Variants in MDGA2 observed in about 807,000 individuals in gnomAD.
MDGA2 encodes MAM domain-containing glycosylphosphatidylinositol anchor protein 2.
A neutral mutation model predicts 117.8 loss-of-function variants in MDGA2; 40 were observed. The ratio of observed to expected loss-of-function variants is 0.34; its 90% confidence interval spans 0.26 to 0.44. MDGA2 has a LOEUF of 0.44. Among genes scored for constraint, MDGA2 ranks in the 20% least tolerant of loss-of-function variants. MDGA2 has a pLI of 1.00. For synonymous variants in MDGA2, 452 were observed against 439.0 expected (o/e 1.03, Z -0.37); for missense variants, 1,123 against 1,250.6 (o/e 0.90, Z 1.54).
chr14:47,298,683 CTTTTTTTT>C (rs66784813), intron 2 of MDGA2, among the ~76,000 whole-genome samples: 1 of 126,118 alleles, frequency 7.9e-6, no homozygotes, highest in East Asian at 2.2e-4. Flanking sequence ...CTTAATTTTT[CTTTTTTTT>C]TTTTTTTTTT....
intron 3 of MDGA2, among the ~76,000 whole-genome samples, chr14:47,150,681 T>G (rs1024864622): frequency 1.3e-5 from 2 of 152,076 alleles, no homozygotes; most frequent in African/African-American, 2.4e-5. Context: ...CCTAGCACTT[T>G]GGAAGGCCAA....
chr14:47,019,167 T>C (rs767341850), intron 8 of MDGA2, among the ~76,000 whole-genome samples: 1 of 152,086 alleles, frequency 6.6e-6, no homozygotes, highest in Non-Finnish European at 1.5e-5. Flanking sequence ...ATATGAAAAA[T>C]AGTTTCATTA....
intron 1 of MDGA2, among the ~76,000 whole-genome samples, chr14:47,332,128 C>T (rs1363114780): frequency 1.3e-5 from 2 of 151,920 alleles, no homozygotes; most frequent in Non-Finnish European, 2.9e-5. Flanking sequence ...CCCATTAAGT[C>T]CTGGATCAAA....
At chr14:47,338,525 G>A (rs1890527381) in intron 1 of MDGA2, among the ~76,000 whole-genome samples, 1 of 151,756 alleles carries the variant, frequency 6.6e-6, no homozygotes, top group African/African-American at 2.4e-5. Flanking sequence ...TGTATGTTTG[G>A]AATCATAACC....
chr14:47,488,419 T>G (rs1413206105), intron 1 of MDGA2, among the ~76,000 whole-genome samples: 2 of 152,134 alleles, frequency 1.3e-5, no homozygotes, highest in East Asian at 3.8e-4. Context: ...CCTCCTATAT[T>G]TCTACTACTT....
chr14:47,148,069 A>G (rs1883016384), intron 3 of MDGA2, among the ~76,000 whole-genome samples: 1 of 152,130 alleles, frequency 6.6e-6, no homozygotes, highest in African/African-American at 2.4e-5. Flanking sequence ...CTATGTAACA[A>G]CAGTCCTACC....
At chr14:46,925,769 G>C (rs2138528644) in intron 9 of MDGA2, among the ~76,000 whole-genome samples, 1 of 151,758 alleles carries the variant, frequency 6.6e-6, no homozygotes, top group South Asian at 2.1e-4. Context: ...TGGGACCAAA[G>C]AAAGGCTTCA....
At chr14:47,613,479 T>TCTCTCTCACACACA (rs1023859588) in intron 1 of MDGA2, among the ~76,000 whole-genome samples, 1 of 141,088 alleles carries the variant, frequency 7.1e-6, no homozygotes, top group East Asian at 2.1e-4. Context: ...TCTCTCTCTC[T>TCTCTCTCACACACA]CACACACACA....
chr14:47,259,329 T>A (rs1887720821), intron 2 of MDGA2, among the ~76,000 whole-genome samples: 1 of 152,132 alleles, frequency 6.6e-6, no homozygotes, highest in South Asian at 2.1e-4. Flanking sequence ...CTTAAAAATA[T>A]CCTTCTACTT....
intron 2 of MDGA2, among the ~76,000 whole-genome samples, chr14:47,221,130 AAGGACAT>A: frequency 6.9e-6 from 1 of 144,316 alleles, no homozygotes; most frequent in South Asian, 2.1e-4. Flanking sequence ...TTAAAACCAA[AAGGACAT>A]AGAATAAGAA....
intron 1 of MDGA2, among the ~76,000 whole-genome samples, chr14:47,584,089 T>C (rs1896278053): frequency 6.6e-6 from 1 of 151,882 alleles, no homozygotes; most frequent in Non-Finnish European, 1.5e-5. Context: ...TAAATGTTTA[T>C]TTAAATAATA....
chr14:47,417,142 A>G (rs564575112), intron 1 of MDGA2, among the ~76,000 whole-genome samples: 6 of 152,124 alleles, frequency 3.9e-5, no homozygotes, highest in Non-Finnish European at 7.4e-5. Context: ...TTTCTATATA[A>G]ATAAGTTGAG....
At chr14:47,329,670 G>C (rs1890239580) in intron 1 of MDGA2, among the ~76,000 whole-genome samples, 1 of 151,786 alleles carries the variant, frequency 6.6e-6, no homozygotes, top group Admixed American at 6.6e-5. Flanking sequence ...TGAATACTTG[G>C]AAAGTCTCAA....
At chr14:47,253,221 C>T (rs1470236108) in intron 2 of MDGA2, among the ~76,000 whole-genome samples, 1 of 152,206 alleles carries the variant, frequency 6.6e-6, no homozygotes, top group Non-Finnish European at 1.5e-5. Context: ...TTTCAAAACA[C>T]AATCATGACT....
intron 10 of MDGA2, among the ~76,000 whole-genome samples, chr14:46,892,082 A>C (rs867861788): frequency 2.1e-4 from 32 of 151,860 alleles, no homozygotes; most frequent in African/African-American, 7.5e-4. Flanking sequence ...AATGTTTTTT[A>C]AATAAGCTTA....
At chr14:47,528,262 A>C (rs1895014530) in intron 1 of MDGA2, among the ~76,000 whole-genome samples, 1 of 152,068 alleles carries the variant, frequency 6.6e-6, no homozygotes. Flanking sequence ...CCATGCTCTC[A>C]TTCAATCAAA....
intron 9 of MDGA2, among the ~76,000 whole-genome samples, chr14:46,926,307 ACAC>A (rs1884329477): frequency 3.3e-5 from 5 of 152,164 alleles, no homozygotes; most frequent in Non-Finnish European, 7.4e-5. Context: ...CACAAAAGAC[ACAC>A]TTGCAAAGTA....
At chr14:47,060,176 A>G (rs1235537006) in intron 7 of MDGA2, among the ~76,000 whole-genome samples, 2 of 152,044 alleles carry the variant, frequency 1.3e-5, no homozygotes, top group African/African-American at 2.4e-5. Context: ...TCATCACCCT[A>G]ATTTCCTTTT....
At chr14:47,341,332 G>A (rs2138321030) in intron 1 of MDGA2, among the ~76,000 whole-genome samples, 1 of 152,274 alleles carries the variant, frequency 6.6e-6, no homozygotes, top group South Asian at 2.1e-4. Flanking sequence ...ATGGTATGTG[G>A]CCAAATAAGC....
Sources: allele counts gnomAD v4.1 joint callset (sites outside exome capture counted in the v4.1 genomes callset), GRCh38; gene constraint gnomAD v4.1.1; transcripts MANE v1.5; gene names NCBI Gene and HGNC (gene_info 2026-07-23, HGNC 2026-07-21).